The following NCAM1 variants were observed in gnomAD, a reference collection of about 807,000 sequenced individuals.
NCAM1 encodes the protein neural cell adhesion molecule 1, also known as antigen recognized by monoclonal antibody 5.1H11.
In NCAM1, 14 loss-of-function variants were observed where a neutral mutation model predicts 109.8. The observed-to-expected ratio is 0.13, with a 90% confidence interval of 0.08 to 0.20. NCAM1 has a LOEUF of 0.20. NCAM1 is among the 10% of genes least tolerant of loss of function. The pLI, the probability that NCAM1 is intolerant of heterozygous loss-of-function variation, is 1.00. For synonymous variants in NCAM1, 418 were observed against 442.9 expected, an observed-to-expected ratio of 0.94 and a Z score of 0.70; for missense variants, 774 against 1,109.9, an observed-to-expected ratio of 0.70 and a Z score of 4.30.
At chr11:113,221,402 C>G in intron 9 of NCAM1, 77 bp downstream of exon 9, 2 of 1,427,548 alleles carry the variant, frequency 1.4e-6, no homozygotes, top group South Asian at 1.2e-5. Flanking sequence ...AGTTTAATAA[C>G]CAGACATGCT....
At chr11:113,024,696 G>GA (rs1196162684) in intron 1 of NCAM1, among the ~76,000 whole-genome samples, 25 of 151,696 alleles carry the variant, frequency 1.6e-4, no homozygotes, top group South Asian at 4.2e-4. Context: ...ATGGTATGGT[G>GA]AAAAAAAAGA....
chr11:113,117,146 A>G (rs1940747753), intron 1 of NCAM1, among the ~76,000 whole-genome samples: 2 of 151,946 alleles, frequency 1.3e-5, no homozygotes, highest in Admixed American at 6.6e-5. Context: ...CTCTAAACAG[A>G]CTTTTTTTGG....
intron 1 of NCAM1, among the ~76,000 whole-genome samples, chr11:113,099,131 G>C (rs1555091036): frequency 6.6e-6 from 1 of 152,182 alleles, no homozygotes; most frequent in Non-Finnish European, 1.5e-5. Flanking sequence ...CTGAGGCACA[G>C]AGATGTTCAT....
chr11:113,062,680 T>C (rs1937726451), intron 1 of NCAM1, among the ~76,000 whole-genome samples: 2 of 152,032 alleles, frequency 1.3e-5, no homozygotes, highest in South Asian at 4.2e-4. Flanking sequence ...TGTAAAAAAT[T>C]TAAAGTTTAG....
rs191531465 is a variant in NCAM1, at chr11:113,220,752, G to A, written c.1060-544G>A. On this transcript the variant is annotated intron_variant, in intron 8 of 19. Transcript: ENST00000316851. ...CTCCCGAATAGCTGGGACTACAGGC[G>A]CCTGCCACCACGCCCAGCTAATTTT... Among the ~76,000 whole-genome samples the A allele has an allele frequency of 1.4e-4, 21 of 151,688 alleles. No homozygotes were observed. In the East Asian group the frequency reaches 2.3e-3, roughly 17 times the overall value.
chr11:113,146,704 A>G (rs782748813), intron 1 of NCAM1, among the ~76,000 whole-genome samples: 1 of 152,168 alleles, frequency 6.6e-6, no homozygotes, highest in Non-Finnish European at 1.5e-5. Context: ...GTTGATGGCA[A>G]TGGTTGCTAG....
intron 15 of NCAM1, among the ~76,000 whole-genome samples, chr11:113,252,173 G>A (rs1033686701): frequency 1.2e-4 from 19 of 152,108 alleles, no homozygotes; most frequent in African/African-American, 4.3e-4. Flanking sequence ...CAGTACTTTG[G>A]GAGGCCAAGG....
At chr11:112,979,596 A>G (rs1555068370) in intron 1 of NCAM1, among the ~76,000 whole-genome samples, 1 of 151,720 alleles carries the variant, frequency 6.6e-6, no homozygotes, top group Non-Finnish European at 1.5e-5. Flanking sequence ...TATTGCACTG[A>G]CTCAGGTCGA....
At chr11:113,207,430 C>A in intron 6 of NCAM1, 52 bp downstream of exon 6, 1 of 1,436,300 alleles carries the variant, frequency 7.0e-7, no homozygotes, top group Non-Finnish European at 9.8e-7. Flanking sequence ...AATGGGGCAT[C>A]ACAAAGTCTG....
At chr11:113,227,016 A>C (rs1239153156) in intron 9 of NCAM1, among the ~76,000 whole-genome samples, 2 of 152,248 alleles carry the variant, frequency 1.3e-5, no homozygotes, top group Non-Finnish European at 2.9e-5. Flanking sequence ...CCACAATTAA[A>C]AGAACTAGAG....
intron 1 of NCAM1, among the ~76,000 whole-genome samples, chr11:112,970,471 T>A: frequency 6.6e-6 from 1 of 152,128 alleles, no homozygotes; most frequent in East Asian, 1.9e-4. Context: ...AATGAAAGTA[T>A]CTTGCTTAAT....
Position 113,264,627 on chromosome 11 carries a change from G to C in NCAM1, c.2131+4304G>C, listed in dbSNP as rs1946096352. On this transcript the variant is annotated intron_variant, in intron 17 of 19. Transcript: ENST00000316851. ...GCTTCATCCTAGGAGGGCCCAGCTT[G>C]GGAGTCTGCCTCCCCCTGATCCCAG... 9.1e-6 allele frequency: 9 copies of C among 985,520 alleles called. No individual in the cohort carries two copies. In the African/African-American group the frequency reaches 1.0e-4, roughly 11 times the overall value. The allele number at this position is 985,520 out of a possible 1,614,324, so 61.0% of individuals were successfully genotyped here. A position where few individuals can be genotyped will look rare whatever the true frequency, so the allele number is the denominator to read the frequency against.
chr11:113,191,029 A>T (rs185473779), intron 1 of NCAM1, among the ~76,000 whole-genome samples: 3 of 152,258 alleles, frequency 2.0e-5, no homozygotes, highest in Admixed American at 2.0e-4. Flanking sequence ...TTTATTATCA[A>T]CGTTTTAATA....
intron 1 of NCAM1, among the ~76,000 whole-genome samples, chr11:113,060,849 A>G (rs1262070585): frequency 6.6e-6 from 1 of 152,224 alleles, no homozygotes; most frequent in African/African-American, 2.4e-5. Context: ...TTCTAGAACC[A>G]TGGAAGGGTT....
Position 113,116,802 on chromosome 11 carries a change from A to G in NCAM1, c.53-85577A>G, listed in dbSNP as rs528029348. ...TTTCTATGTCCTTTCTGGCCTTTTG[A>G]AAAGGTGCCACTGTGTTTTGGGAAA... is the stretch of plus-strand genomic sequence containing the variant. On this transcript the variant is annotated intron_variant, in intron 1 of 19. Transcript: ENST00000316851. 2.4e-3 allele frequency among the ~76,000 whole-genome samples: 368 copies of G among 151,952 alleles called. 1 individual carries two copies. Among genetic ancestry groups the G allele is most frequent in the Middle Eastern group, 3.4e-3 (1 of 294 alleles).
chr11:113,178,025 TA>T (rs1231290480), intron 1 of NCAM1, among the ~76,000 whole-genome samples: 3 of 151,914 alleles, frequency 2.0e-5, no homozygotes, highest in Non-Finnish European at 2.9e-5. Flanking sequence ...AGTCAAGCTC[TA>T]AAAAAAACTT....
At chr11:113,240,301 G>A (rs1945284808) in intron 14 of NCAM1, among the ~76,000 whole-genome samples, 1 of 152,224 alleles carries the variant, frequency 6.6e-6, no homozygotes, top group Non-Finnish European at 1.5e-5. Context: ...ATGTTGAAAT[G>A]AGTGAGGCAT....
At chr11:113,007,765 G>T (rs1951926062) in intron 1 of NCAM1, among the ~76,000 whole-genome samples, 1 of 152,222 alleles carries the variant, frequency 6.6e-6, no homozygotes, top group African/African-American at 2.4e-5. Context: ...ACCAGATGCT[G>T]CATTGCCAGT....
intron 16 of NCAM1, among the ~76,000 whole-genome samples, chr11:113,259,726 CAG>C (rs1474492628): frequency 8.2e-6 from 1 of 121,760 alleles, no homozygotes; most frequent in Non-Finnish European, 1.6e-5. Context: ...TTTTTGGAGA[CAG>C]AGTCTTGCTC....
Sources: allele counts gnomAD v4.1 joint callset (sites outside exome capture counted in the v4.1 genomes callset), GRCh38; gene constraint gnomAD v4.1.1; transcripts MANE v1.5; gene names NCBI Gene and HGNC (gene_info 2026-07-23, HGNC 2026-07-21).